Variants in TRMT44 observed in about 807,000 individuals in gnomAD.
TRMT44 encodes probable tRNA (uracil-O(2)-)-methyltransferase.
In TRMT44, 78 loss-of-function variants were observed where a neutral mutation model predicts 77.3. The observed-to-expected ratio is 1.01, with a 90% CI of 0.84 to 1.22. The LOEUF (loss-of-function observed/expected upper bound fraction) is 1.22. Ranked by LOEUF, TRMT44 falls within the 50% of genes most tolerant of loss-of-function variation. The pLI is 0.00. For synonymous variants in TRMT44, 391 were observed against 383.3 expected (o/e 1.02, Z -0.23); for missense variants, 1,090 against 964.4 (o/e 1.13, Z -1.73).
chr4:8,498,225 G>C (rs1728205666), downstream of TRMT44, among the ~76,000 whole-genome samples: 1 of 152,206 alleles, frequency 6.6e-6, no homozygotes, highest in African/African-American at 2.4e-5. The surrounding 1 kb of genome is among the most constrained non-coding windows in gnomAD (Gnocchi z 4.3). Context: ...CATTTTGCTT[G>C]ATTTGCACCC....
downstream of TRMT44, chr4:8,477,845 G>A (rs976054694): frequency 2.0e-5 from 3 of 152,590 alleles, no homozygotes; most frequent in African/African-American, 7.2e-5. Flanking sequence ...AAGGGGCTTG[G>A]GGCGACATCA....
intron 2 of TRMT44, among the ~76,000 whole-genome samples, chr4:8,491,932 G>A (rs940494764): frequency 6.6e-6 from 1 of 152,244 alleles, no homozygotes; most frequent in African/African-American, 2.4e-5. Flanking sequence ...CACTGAGAGC[G>A]AGCGAGGGCT....
At chr4:8,462,062 G>A (rs1229605244) in intron 6 of TRMT44, among the ~76,000 whole-genome samples, 4 of 152,226 alleles carry the variant, frequency 2.6e-5, no homozygotes, top group Admixed American at 2.6e-4. Context: ...TTAATTGTGT[G>A]AACCTGTATA....
At chr4:8,489,468 T>TTTGTC (rs149196039) in intron 2 of TRMT44, among the ~76,000 whole-genome samples, 1 of 150,866 alleles carries the variant, frequency 6.6e-6, no homozygotes, top group Non-Finnish European at 1.5e-5. Context: ...TTCGTTTTGT[T>TTTGTC]TTGTTTTGTT....
At chr4:8,467,375 G>GA (rs1726653323) in intron 8 of TRMT44, among the ~76,000 whole-genome samples, 1 of 152,232 alleles carries the variant, frequency 6.6e-6, no homozygotes, top group Non-Finnish European at 1.5e-5. Context: ...TAGATCTTGT[G>GA]AAGGTCCAAG....
rs1725478761 is a variant in TRMT44 at position 8,451,952 on chromosome 4, T to G, written c.955-8T>G. 1 of 1,536,644 alleles carries G rather than the reference T, an allele frequency of 6.5e-7. No homozygotes were observed. On this transcript the variant is annotated splice_polypyrimidine_tract_variant and splice_region_variant and intron_variant, in intron 3 of 10. Coordinates refer to ENST00000389737, the MANE Select transcript of TRMT44 (RefSeq NM_152544.3). This position sits in a 1 kb window ranked among gnomAD's most constrained non-coding sequence, Gnocchi z 4.1. ...AACAATTTATGTTTGCTCTTGAAAC[T>G]GTTTTAGGTGTGGCCTGAAGTCACT... is the stretch of plus-strand genomic sequence containing the variant.
chr4:8,516,399 C>A, the TRMT44 span, among the ~76,000 whole-genome samples: 419 of 152,346 alleles, frequency 2.8e-3, no homozygotes, highest in Non-Finnish European at 4.2e-3. Flanking sequence ...GTCCCAGATA[C>A]TGATGACTCA....
At chr4:8,492,143 T>A (rs1315185456) in intron 2 of TRMT44, among the ~76,000 whole-genome samples, 1 of 152,228 alleles carries the variant, frequency 6.6e-6, no homozygotes, top group Non-Finnish European at 1.5e-5. Flanking sequence ...TATTGAAGAT[T>A]TGCTGTGGCA....
intron 8 of TRMT44, among the ~76,000 whole-genome samples, chr4:8,467,357 G>A (rs376400919): frequency 8.5e-5 from 13 of 152,324 alleles, no homozygotes; most frequent in East Asian, 1.9e-4. Flanking sequence ...GAGTTTAGGC[G>A]CCTTTGTTAG....
chr4:8,463,917 T>G, intron 6 of TRMT44, 68 bp from the exon 7 acceptor site: 1 of 1,342,720 alleles, frequency 7.4e-7, no homozygotes, highest in Non-Finnish European at 1.1e-6. Flanking sequence ...CCTCCCGCCA[T>G]GTCCTGCCCA....
chr4:8,468,865 C>T (rs1009818282), intron 9 of TRMT44, among the ~76,000 whole-genome samples: 9 of 152,202 alleles, frequency 5.9e-5, no homozygotes, highest in African/African-American at 1.4e-4. Flanking sequence ...TTGAAATTAA[C>T]GGCATTCAGA....
At chr4:8,486,490 A>G (rs1422256471) in intron 2 of TRMT44, among the ~76,000 whole-genome samples, 1 of 151,820 alleles carries the variant, frequency 6.6e-6, no homozygotes, top group Non-Finnish European at 1.5e-5. Flanking sequence ...GATTTTATTT[A>G]TTTGGATTTG....
chr4:8,475,767 C>T lies in TRMT44; in HGVS notation c.2045-5C>T, dbSNP rs1727334865. The T allele has an allele frequency of 6.2e-7, 1 of 1,613,692 alleles. No individual in the cohort carries two copies. Among genetic ancestry groups the T allele is most frequent in the Non-Finnish European group, 8.5e-7 (1 of 1,179,874 alleles). On this transcript the variant is annotated splice_region_variant and splice_polypyrimidine_tract_variant and intron_variant, in intron 10 of 10. Transcript: ENST00000389737. ...TCAGTGTGTCTTCTCTGTTCCAAACCACAGTTGTGAATGGGAGAGTTCACA... is the reference window on the plus strand; with the variant it reads ...TCAGTGTGTCTTCTCTGTTCCAAACTACAGTTGTGAATGGGAGAGTTCACA...
intron 8 of TRMT44, 79 bp downstream of exon 8, chr4:8,465,640 G>A: frequency 2.3e-6 from 3 of 1,287,942 alleles, no homozygotes; most frequent in Non-Finnish European, 3.3e-6. Flanking sequence ...ACAGAGCCAT[G>A]AACCATGCTG....
At chr4:8,462,399 G>A (rs988006388) in intron 6 of TRMT44, among the ~76,000 whole-genome samples, 5 of 148,192 alleles carry the variant, frequency 3.4e-5, no homozygotes, top group Admixed American at 2.0e-4. Context: ...CAACAAGAGC[G>A]ATACTCCGTC....
chr4:8,454,834 G>A, intron 6 of TRMT44, 21 bp downstream of exon 6: 1 of 1,611,866 alleles, frequency 6.2e-7, no homozygotes, highest in Non-Finnish European at 8.5e-7. Context: ...TATTACGCAT[G>A]CCCTTGATCT....
intron 5 of TRMT44, 38 bp downstream of exon 5, chr4:8,453,027 C>G: frequency 7.7e-7 from 1 of 1,303,968 alleles, no homozygotes; most frequent in Non-Finnish European, 1.0e-6. Context: ...GGTAACTTGT[C>G]CAGAGTTTCC....
rs545467521 is a variant in TRMT44, at chr4:8,488,474, C to T, written n.3892-4792C>T. Among the ~76,000 whole-genome samples, 46 of 152,174 alleles carry T rather than the reference C, an allele frequency of 3.0e-4. No individual in the cohort carries two copies. In the South Asian group the frequency reaches 6.9e-3, roughly 23 times the overall value. On this transcript the variant is annotated intron_variant and non_coding_transcript_variant, in intron 2 of 2. Transcript: ENST00000511366. ...CAGGAGTGGGGGTCGCAAGGTGCTC[C>T]GTGGGGAAGCTTTTTGCCTCAGGAT...
At chr4:8,488,270 G>A (rs564442338) in intron 2 of TRMT44, among the ~76,000 whole-genome samples, 33 of 152,296 alleles carry the variant, frequency 2.2e-4, no homozygotes, top group Non-Finnish European at 4.0e-4. Context: ...TTTCATGAGC[G>A]TCCGTGTGAA....
Sources: gnomAD v4.1 joint callset for allele counts (sites outside exome capture counted in the v4.1 genomes callset) on GRCh38, gnomAD v4.1.1 for gene constraint, Gnocchi (gnomAD v3.1) non-coding constraint, MANE v1.5 for transcripts, NCBI Gene and HGNC (gene_info 2026-07-23, HGNC 2026-07-21) for gene names.